The following ELMO1 variants were observed in gnomAD, a reference collection of about 807,000 sequenced individuals.
The protein encoded by ELMO1 is engulfment and cell motility protein 1.
ELMO1 carries 26 observed loss-of-function variants against 98.9 expected under a neutral mutation model. The ratio of observed to expected loss-of-function variants is 0.26; its 90% CI spans 0.19 to 0.36. The LOEUF is 0.36. ELMO1 is among the 10% of genes least tolerant of loss of function. The pLI, the probability that ELMO1 is intolerant of heterozygous loss-of-function variation, is 1.00. For synonymous variants in ELMO1, 346 were observed against 346.0 expected, an observed-to-expected ratio of 1.00 and a Z score of 0.00; for missense variants, 627 against 935.2, an observed-to-expected ratio of 0.67 and a Z score of 4.30.
At chr7:36,985,024 A>G in intron 16 of ELMO1, 7 of 985,426 alleles carry the variant, frequency 7.1e-6, no homozygotes, top group Non-Finnish European at 8.4e-6. Context: ...GGGTCCCTAC[A>G]GGCAAAGAGT....
intron 16 of ELMO1, among the ~76,000 whole-genome samples, chr7:36,918,032 A>G (rs959436728): frequency 6.6e-6 from 1 of 152,220 alleles, no homozygotes; most frequent in Non-Finnish European, 1.5e-5. Context: ...ACACACAAAA[A>G]TAATATATAA....
intron 16 of ELMO1, among the ~76,000 whole-genome samples, chr7:36,908,331 T>C (rs1436802055): frequency 1.3e-5 from 2 of 152,194 alleles, no homozygotes; most frequent in African/African-American, 4.8e-5. Flanking sequence ...AATGATTTTG[T>C]AACTAGAAAA....
At chr7:37,023,088 G>T (rs1437469595) in intron 15 of ELMO1, among the ~76,000 whole-genome samples, 1 of 152,152 alleles carries the variant, frequency 6.6e-6, no homozygotes, top group Non-Finnish European at 1.5e-5. Context: ...ACAGGGTATT[G>T]GTTCTTTTGG....
chr7:37,304,213 T>C (rs1798486538), intron 4 of ELMO1, among the ~76,000 whole-genome samples: 1 of 152,050 alleles, frequency 6.6e-6, no homozygotes, highest in Non-Finnish European at 1.5e-5. Flanking sequence ...GCCAATTTAG[T>C]TTGAGTCACT....
intron 15 of ELMO1, among the ~76,000 whole-genome samples, chr7:37,024,821 A>G (rs1794477589): frequency 6.6e-6 from 1 of 152,116 alleles, no homozygotes; most frequent in Admixed American, 6.5e-5. Context: ...TTTTCAAAAA[A>G]GTCCTTGATT....
intron 2 of ELMO1, among the ~76,000 whole-genome samples, chr7:37,321,860 T>C (rs1583544596): frequency 1.3e-5 from 2 of 148,834 alleles, no homozygotes; most frequent in East Asian, 2.0e-4. Context: ...TAACTCCCTT[T>C]TTTTTTTTTT....
intron 2 of ELMO1, among the ~76,000 whole-genome samples, chr7:37,326,713 G>C (rs1799838183): frequency 6.6e-6 from 1 of 152,150 alleles, no homozygotes; most frequent in Non-Finnish European, 1.5e-5. Context: ...ATAAAGTACA[G>C]TCTTTCTGTC....
intron 16 of ELMO1, among the ~76,000 whole-genome samples, chr7:37,005,107 C>CAAAAAA (rs35665315): frequency 4.4e-4 from 17 of 38,268 alleles, no homozygotes; most frequent in South Asian, 3.1e-3. Context: ...GGCTCTGTCT[C>CAAAAAA]AAAAAAAAAA....
At chr7:37,073,868 C>A (rs1289320075) in intron 15 of ELMO1, among the ~76,000 whole-genome samples, 1 of 151,584 alleles carries the variant, frequency 6.6e-6, no homozygotes, top group Non-Finnish European at 1.5e-5. Context: ...AGGAAAGAGC[C>A]ACTCTGCACC....
intron 14 of ELMO1, among the ~76,000 whole-genome samples, chr7:37,124,163 C>T (rs994870410): frequency 6.6e-6 from 1 of 152,100 alleles, no homozygotes; most frequent in Non-Finnish European, 1.5e-5. Context: ...CTATGACAAA[C>T]CCACAGCCAA....
Position 37,171,481 on chromosome 7 carries a change from CTATTT to C in ELMO1, c.1087-38252_1087-38248del, listed in dbSNP as rs1316046008. On this transcript the variant is annotated intron_variant, in intron 13 of 21. Transcript: ENST00000310758. ...AGTTTATTCTTGTAACCAGGCCTTT[CTATTT>C]TTTTTTTTTTTTTTTTTTTTTTTTG... is the stretch of plus-strand genomic sequence containing the variant. Among the ~76,000 whole-genome samples, 71 of 44,286 alleles carry C rather than the reference CTATTT, an allele frequency of 1.6e-3. 3 individuals carry two copies. Among genetic ancestry groups the C allele is most frequent in the African/African-American group, 3.7e-3 (60 of 16,062 alleles). The allele number at this position is 44,286 out of a possible 152,430, so 29.1% of individuals were successfully genotyped here.
At chr7:36,879,271 GT>G (rs1215966786) in intron 18 of ELMO1, among the ~76,000 whole-genome samples, 6 of 152,224 alleles carry the variant, frequency 3.9e-5, no homozygotes, top group African/African-American at 1.4e-4. Flanking sequence ...AAGTTGCACA[GT>G]TGGCGTTGGC....
chr7:37,063,506 T>C (rs1447928614), intron 15 of ELMO1, among the ~76,000 whole-genome samples: 2 of 152,184 alleles, frequency 1.3e-5, no homozygotes. Flanking sequence ...TACAACAAAT[T>C]AGTTTTGGAA....
chr7:36,978,121 C>G (rs1391321316), intron 16 of ELMO1, among the ~76,000 whole-genome samples: 4 of 152,264 alleles, frequency 2.6e-5, no homozygotes, highest in Non-Finnish European at 4.4e-5. Flanking sequence ...AACTTTGTCT[C>G]TTGTTAACAG....
chr7:36,887,970 G>A (rs965667248), intron 17 of ELMO1, among the ~76,000 whole-genome samples: 11 of 152,062 alleles, frequency 7.2e-5, no homozygotes, highest in African/African-American at 2.4e-4. Flanking sequence ...ACAAAGCCAC[G>A]GATACAAAGT....
intron 1 of ELMO1, among the ~76,000 whole-genome samples, chr7:37,391,601 C>T (rs925384805): frequency 2.0e-5 from 3 of 152,298 alleles, no homozygotes; most frequent in African/African-American, 4.8e-5. Flanking sequence ...GTGCACACGG[C>T]CTTCGTTACT....
chr7:37,107,366 T>C (rs1165061216), intron 14 of ELMO1, among the ~76,000 whole-genome samples: 1 of 152,152 alleles, frequency 6.6e-6, no homozygotes, highest in Non-Finnish European at 1.5e-5. Flanking sequence ...AGTTCAACCT[T>C]GAAGAAGAAA....
intron 13 of ELMO1, among the ~76,000 whole-genome samples, chr7:37,187,871 T>C (rs1260768478): frequency 6.6e-6 from 1 of 152,176 alleles, no homozygotes; most frequent in Non-Finnish European, 1.5e-5. Flanking sequence ...ACAAGGCCAT[T>C]CTTCAAGGGA....
At chr7:37,012,206 C>T (rs1465606286) in intron 16 of ELMO1, among the ~76,000 whole-genome samples, 2 of 152,186 alleles carry the variant, frequency 1.3e-5, no homozygotes, top group Non-Finnish European at 2.9e-5. Flanking sequence ...AGCTTAGGTC[C>T]TTTTCCTGAT....
Sources: allele counts gnomAD v4.1 joint callset (sites outside exome capture counted in the v4.1 genomes callset), GRCh38; gene constraint gnomAD v4.1.1; transcripts MANE v1.5; gene names NCBI Gene and HGNC (gene_info 2026-07-23, HGNC 2026-07-21).